The following SLC35D2 variants were observed in gnomAD, a reference collection of about 807,000 sequenced individuals.
SLC35D2 encodes solute carrier family 35 member D2.
A neutral mutation model predicts 41.8 loss-of-function variants in SLC35D2; 43 were observed. The ratio of observed to expected loss-of-function variants is 1.03; its 90% CI spans 0.81 to 1.33. The LOEUF (loss-of-function observed/expected upper bound fraction) is 1.33, where lower values mean the gene tolerates loss of function less well. SLC35D2 is among the 40% of genes most tolerant of loss of function. The pLI, the probability that SLC35D2 is intolerant of heterozygous loss-of-function variation, is 0.00. For missense variants in SLC35D2, 380 were observed against 408.4 expected, an observed-to-expected ratio of 0.93 and a Z score of 0.60; for synonymous variants, 150 against 163.9, an observed-to-expected ratio of 0.92 and a Z score of 0.65.
intron 4 of SLC35D2, among the ~76,000 whole-genome samples, chr9:96,359,130 C>T (rs947574601): frequency 6.6e-6 from 1 of 151,908 alleles, no homozygotes; most frequent in African/African-American, 2.4e-5. Context: ...CGGTGAAACC[C>T]CGTCCCTACT....
chr9:96,369,935 A>G (rs987454932), intron 1 of SLC35D2, among the ~76,000 whole-genome samples: 1 of 152,234 alleles, frequency 6.6e-6, no homozygotes, highest in African/African-American at 2.4e-5. Flanking sequence ...CAGAGAAAAC[A>G]GAATGAATGG....
At chr9:96,335,302 A>G (rs1241008040) in intron 9 of SLC35D2, among the ~76,000 whole-genome samples, 1 of 152,184 alleles carries the variant, frequency 6.6e-6, no homozygotes, top group Non-Finnish European at 1.5e-5. Context: ...TGGGGAAGAA[A>G]ACTACAGTGT....
In SLC35D2 at chr9:96,352,008, A is replaced by T. The variant is rs201284005; in HGVS notation, c.419+30T>A. On this transcript the variant is annotated intron_variant, in intron 5 of 11. Coordinates refer to ENST00000253270, the MANE Select transcript of SLC35D2 (RefSeq NM_007001.3). ...AAGAAATGCAGTGGGTGGGAGGCACACTGGAAGAATGGAGGAAAAACAAAA... is the reference window on the plus strand; with the variant it reads ...AAGAAATGCAGTGGGTGGGAGGCACTCTGGAAGAATGGAGGAAAAACAAAA... 39 of 1,486,652 alleles carry T rather than the reference A, an allele frequency of 2.6e-5. No homozygotes were observed. In the East Asian group the frequency reaches 8.9e-4, roughly 34 times the overall value. The allele number at this position is 1,486,652 out of a possible 1,614,324, so 92.1% of individuals were successfully genotyped here. A position where few individuals can be genotyped will look rare whatever the true frequency, so the allele number is the denominator to read the frequency against.
At chr9:96,351,756 T>A (rs1829823629) in intron 5 of SLC35D2, among the ~76,000 whole-genome samples, 1 of 152,196 alleles carries the variant, frequency 6.6e-6, no homozygotes, top group Admixed American at 6.5e-5. Flanking sequence ...TTATATTCCA[T>A]CTGGCTCAGG....
At chr9:96,365,197 A>C (rs1830428856) in intron 2 of SLC35D2, among the ~76,000 whole-genome samples, 1 of 152,082 alleles carries the variant, frequency 6.6e-6, no homozygotes, top group Non-Finnish European at 1.5e-5. Context: ...CTACAAAAAA[A>C]TACAAAAAAT....
At chr9:96,367,607 A>AC (rs1268828175) in intron 2 of SLC35D2, among the ~76,000 whole-genome samples, 1 of 152,018 alleles carries the variant, frequency 6.6e-6, no homozygotes, top group South Asian at 2.1e-4. Flanking sequence ...ACATGGCGAA[A>AC]CCCCGTCTCT....
intron 3 of SLC35D2, 98 bp downstream of exon 3, chr9:96,364,366 G>T: frequency 1.3e-6 from 1 of 764,798 alleles, no homozygotes. Flanking sequence ...TCCAGTGCAG[G>T]CAGGAAGTAC....
intron 1 of SLC35D2, among the ~76,000 whole-genome samples, chr9:96,372,522 A>G (rs1372860276): frequency 1.3e-5 from 2 of 151,736 alleles, no homozygotes; most frequent in Admixed American, 6.6e-5. Context: ...GAGGCCCTGG[A>G]ATGTAACAGC....
chr9:96,373,665 C>T lies in SLC35D2; in HGVS notation c.159-5360G>A, dbSNP rs542124947. Among the ~76,000 whole-genome samples, 20 of 147,118 alleles carry T rather than the reference C, an allele frequency of 1.4e-4. No homozygotes were observed. The South Asian group carries it at 2.2e-3, about 16-fold the overall frequency. On this transcript the variant is annotated intron_variant, in intron 1 of 11. Transcript: ENST00000253270. Reference sequence around the variant, plus strand: ...TCACGCCATTGCACTTCAGCCTGGCCGACAAGAGCAAGACTCTCTCAAAAA... The same window carrying T: ...TCACGCCATTGCACTTCAGCCTGGCTGACAAGAGCAAGACTCTCTCAAAAA...
intron 6 of SLC35D2, among the ~76,000 whole-genome samples, chr9:96,348,961 G>A (rs900700665): frequency 6.6e-6 from 1 of 152,046 alleles, no homozygotes; most frequent in Non-Finnish European, 1.5e-5. Context: ...CTGTAAGTCA[G>A]TGGTTTTCAA....
intron 6 of SLC35D2, among the ~76,000 whole-genome samples, chr9:96,349,272 T>G (rs1015198860): frequency 1.3e-5 from 2 of 152,196 alleles, no homozygotes; most frequent in Non-Finnish European, 2.9e-5. Context: ...AAATATAATG[T>G]CTGCCTCTCG....
At chr9:96,345,921 G>C (rs1829556660) in intron 6 of SLC35D2, among the ~76,000 whole-genome samples, 1 of 152,182 alleles carries the variant, frequency 6.6e-6, no homozygotes, top group Non-Finnish European at 1.5e-5. Context: ...CCCCTCTATG[G>C]CTCCTTTCTT....
At chr9:96,328,991 G>A (rs1249147592) in intron 9 of SLC35D2, among the ~76,000 whole-genome samples, 2 of 151,674 alleles carry the variant, frequency 1.3e-5, no homozygotes, top group African/African-American at 4.8e-5. Flanking sequence ...AGGAGGCTGA[G>A]GCAGGAGAAT....
At position 96,338,831 on chromosome 9, in the gene SLC35D2, A is replaced by T. The variant is rs116169989; in HGVS notation, c.685-2047T>A. Among the ~76,000 whole-genome samples, 854 of 152,344 alleles carry T rather than the reference A, an allele frequency of 5.6e-3. 5 individuals carry two copies. The highest frequency in any genetic ancestry group is 0.02 in the African/African-American group (821 of 41,588). On this transcript the variant is annotated intron_variant, in intron 8 of 11. Transcript: ENST00000253270. ...TTATGCTTAAGGTAGTCAAAGACCA[A>T]AACAAAACAAAACCACAAAAATCAT...
intron 4 of SLC35D2, among the ~76,000 whole-genome samples, chr9:96,352,568 C>T (rs748497746): frequency 2.6e-5 from 4 of 152,016 alleles, no homozygotes; most frequent in Admixed American, 6.6e-5. Flanking sequence ...GTAATCTGCC[C>T]GCCACAGCCT....
intron 2 of SLC35D2, among the ~76,000 whole-genome samples, chr9:96,364,889 C>A (rs943193234): frequency 3.3e-5 from 5 of 151,492 alleles, no homozygotes; most frequent in African/African-American, 1.2e-4. Context: ...CCTGTCTTTA[C>A]TAAAAAACAA....
Position 96,343,513 on chromosome 9 carries a change from T to C in SLC35D2, c.684+391A>G, listed in dbSNP as rs529181305. Among the ~76,000 whole-genome samples the C allele has an allele frequency of 8.5e-5, 13 of 152,320 alleles. No homozygotes were observed. The East Asian group carries it at 2.5e-3, about 29-fold the overall frequency. On this transcript the variant is annotated intron_variant, in intron 8 of 11. Transcript: ENST00000253270. Reference sequence around the variant, plus strand: ...TCATTGAATTACTCTATTTTGTGCATGTTTCAAAATGTCCGTAATAGAAAG... The same window carrying C: ...TCATTGAATTACTCTATTTTGTGCACGTTTCAAAATGTCCGTAATAGAAAG...
At chr9:96,357,218 G>C (rs1309289020) in intron 4 of SLC35D2, among the ~76,000 whole-genome samples, 1 of 152,056 alleles carries the variant, frequency 6.6e-6, no homozygotes, top group Admixed American at 6.6e-5. Context: ...ACAATCAATA[G>C]AATACATTCT....
At chr9:96,323,844 C>T (rs6479249) in intron 10 of SLC35D2, among the ~76,000 whole-genome samples, 99,206 of 151,624 alleles carry the variant, frequency 0.65, 33,485 homozygotes, top group East Asian at 0.87. Flanking sequence ...GAGAACCGCT[C>T]GAACCAGGGA....
Sources: gnomAD v4.1 joint callset for allele counts (sites outside exome capture counted in the v4.1 genomes callset) on GRCh38, gnomAD v4.1.1 for gene constraint, MANE v1.5 for transcripts, NCBI Gene and HGNC (gene_info 2026-07-23, HGNC 2026-07-21) for gene names.